The following STK32B variants were observed in gnomAD, a reference collection of about 807,000 sequenced individuals.
STK32B encodes serine/threonine-protein kinase 32B.
In STK32B, 43 loss-of-function variants were observed where a neutral mutation model predicts 52.6. That is an observed-to-expected ratio of 0.82 (90% CI 0.64 to 1.05). The LOEUF (loss-of-function observed/expected upper bound fraction) is 1.05. STK32B is among the 50% of genes least tolerant of loss of function. The pLI is 0.00. For missense variants in STK32B, 621 were observed against 534.6 expected (o/e 1.16, Z -1.59); for synonymous variants, 238 against 204.3 (o/e 1.17, Z -1.41).
intron 3 of STK32B, among the ~76,000 whole-genome samples, chr4:5,190,458 G>C (rs16836806): frequency 6.6e-6 from 1 of 152,048 alleles, no homozygotes; most frequent in Non-Finnish European, 1.5e-5. Flanking sequence ...TGACTAGTGC[G>C]ATCAGAGTGC....
At chr4:5,114,918 C>T (rs981714553) in intron 1 of STK32B, among the ~76,000 whole-genome samples, 5 of 152,166 alleles carry the variant, frequency 3.3e-5, no homozygotes, top group Admixed American at 6.5e-5. Context: ...CCTCTTCCCA[C>T]ACCCTGACCC....
At chr4:5,109,733 A>G (rs1372985697) in intron 1 of STK32B, among the ~76,000 whole-genome samples, 1 of 152,196 alleles carries the variant, frequency 6.6e-6, no homozygotes, top group East Asian at 1.9e-4. Context: ...GACAAGTTCC[A>G]CTATTCAACA....
chr4:5,042,591 C>T, the STK32B span, among the ~76,000 whole-genome samples: 3 of 152,158 alleles, frequency 2.0e-5, no homozygotes, highest in Non-Finnish European at 4.4e-5. Context: ...AGCCATGGCT[C>T]GCATTTCTCG....
chr4:5,034,874 G>A, the STK32B span, among the ~76,000 whole-genome samples: 1 of 152,296 alleles, frequency 6.6e-6, no homozygotes, highest in Admixed American at 6.5e-5. Context: ...AATGTCAGTA[G>A]CACTTGATTT....
intron 3 of STK32B, among the ~76,000 whole-genome samples, chr4:5,178,678 A>G (rs575000707): frequency 6.6e-6 from 1 of 152,340 alleles, no homozygotes; most frequent in African/African-American, 2.4e-5. Flanking sequence ...TCTCAAGTTC[A>G]AAGTTCCACA....
intron 3 of STK32B, among the ~76,000 whole-genome samples, chr4:5,276,326 A>C (rs1179668632): frequency 6.6e-6 from 1 of 152,104 alleles, no homozygotes; most frequent in Non-Finnish European, 1.5e-5. Context: ...CAGGTTTATC[A>C]CGTTTTCATG....
rs559918654 is a variant in STK32B, at chr4:5,386,861, G to C, written c.435-11346G>C. Among the ~76,000 whole-genome samples, 474 of 152,300 alleles carry C rather than the reference G, an allele frequency of 3.1e-3. 3 individuals are homozygous for C. Among genetic ancestry groups the C allele is most frequent in the African/African-American group, 0.011 (455 of 41,578 alleles). On this transcript the variant is annotated intron_variant, in intron 4 of 11. Transcript: ENST00000282908. The surrounding 1 kb of genome is among the most constrained non-coding windows in gnomAD (Gnocchi z 4.5). ...TCGGATTCAGCCTTGATACGAACTT[G>C]AGATCTTTCCCGCATTGTCCTCAGA...
chr4:5,343,741 G>A (rs1241885510), intron 4 of STK32B, among the ~76,000 whole-genome samples: 4 of 152,146 alleles, frequency 2.6e-5, no homozygotes, highest in Admixed American at 2.6e-4. Flanking sequence ...TAATTAAAGA[G>A]CTTCTGCACA....
rs1560313933 is a variant in STK32B, at chr4:5,317,373, T to TAC, written c.261-13846_261-13845insCA. Among the ~76,000 whole-genome samples the TAC allele has an allele frequency of 1.1e-3, 91 of 79,630 alleles. 10 individuals carry two copies. The highest frequency in any genetic ancestry group is 7.3e-3 in the African/African-American group (85 of 11,716). 52.2% of individuals were successfully genotyped at this position (79,630 alleles called of 152,430 possible). Reference sequence around the variant, plus strand: ...TATAATATATATAATGTATATGTATTATATATATTACATATATATAATATA... The same window carrying TAC: ...TATAATATATATAATGTATATGTATTACATATATATTACATATATATAATATA... On this transcript the variant is annotated intron_variant, in intron 3 of 11. Coordinates refer to ENST00000282908, the MANE Select transcript of STK32B (RefSeq NM_018401.3).
chr4:5,293,294 G>T (rs1728999608), intron 3 of STK32B, among the ~76,000 whole-genome samples: 1 of 151,858 alleles, frequency 6.6e-6, no homozygotes, highest in African/African-American at 2.4e-5. Flanking sequence ...TAATCCTTTG[G>T]GTATATACCC....
intron 3 of STK32B, among the ~76,000 whole-genome samples, chr4:5,302,347 T>C (rs1729620646): frequency 6.6e-6 from 1 of 152,012 alleles, no homozygotes; most frequent in South Asian, 2.1e-4. Context: ...CATATTAACA[T>C]ATTATTATTA....
At position 5,499,042 on chromosome 4, in the gene STK32B, A is replaced by C. The variant is rs750565683; in HGVS notation, c.1204A>C (p.Asn402His). The C allele has an allele frequency of 1.1e-5, 18 of 1,613,462 alleles. No individual in the cohort carries two copies. Among genetic ancestry groups the C allele is most frequent in the Admixed American group, 3.3e-5 (2 of 59,954 alleles). Residue 402 changes from asparagine (N) to histidine (H), a missense_variant, in exon 12 of 12, where the codon AAC becomes CAC. Physicochemically the swap from Asn to His is moderately conservative, Grantham distance 68. Coordinates refer to ENST00000282908, the MANE Select transcript of STK32B (RefSeq NM_018401.3). Reference sequence around the variant, plus strand: ...CAAGCTCCAGGACGGGTGCAACAACAACCTCCTCACCCACACCTGCACCCG... The same window carrying C: ...CAAGCTCCAGGACGGGTGCAACAACCACCTCCTCACCCACACCTGCACCCG... ...QSKLQDGCNNNLLTHTCTRGC... is the reference protein window; with the variant it reads ...QSKLQDGCNNHLLTHTCTRGC...
At chr4:5,140,862 C>G (rs773029140) in intron 2 of STK32B, among the ~76,000 whole-genome samples, 17 of 152,070 alleles carry the variant, frequency 1.1e-4, no homozygotes, top group Non-Finnish European at 2.5e-4. Flanking sequence ...CAGTAGTAAC[C>G]AAAACAGATC....
chr4:5,164,903 C>T (rs913911428), intron 2 of STK32B, among the ~76,000 whole-genome samples: 3 of 152,154 alleles, frequency 2.0e-5, no homozygotes, highest in African/African-American at 7.2e-5. Flanking sequence ...CTCTTTTAGC[C>T]TCTATCTCCT....
intron 6 of STK32B, among the ~76,000 whole-genome samples, chr4:5,420,462 G>C (rs1319701828): frequency 6.6e-6 from 1 of 152,176 alleles, no homozygotes; most frequent in Non-Finnish European, 1.5e-5. Context: ...GAGAATGGGG[G>C]CAACGGCAAC....
Position 5,062,510 on chromosome 4 carries a change from T to A in STK32B, c.52+10595T>A, listed in dbSNP as rs867808003. 7.2e-5 allele frequency among the ~76,000 whole-genome samples: 11 copies of A among 152,262 alleles called. 1 individual carries two copies. In the Middle Eastern group the frequency reaches 0.02, roughly 282 times the overall value. On this transcript the variant is annotated intron_variant, in intron 1 of 11. Transcript: ENST00000282908. ...TTACAATGTTTAGTTTTGTTGTTGT[T>A]GTTGTTGTTTTTTTGAGACGGAGTC...
chr4:5,037,487 T>A, the STK32B span, among the ~76,000 whole-genome samples: 4 of 152,186 alleles, frequency 2.6e-5, no homozygotes, highest in Non-Finnish European at 5.9e-5. Flanking sequence ...GCTAGTGTGG[T>A]CTTGGTCACA....
chr4:5,346,511 C>T (rs79634502), intron 4 of STK32B, among the ~76,000 whole-genome samples: 5 of 152,096 alleles, frequency 3.3e-5, no homozygotes, highest in African/African-American at 7.2e-5. Context: ...ACTGTGAAGC[C>T]GACAAAACCC....
At chr4:5,103,551 T>C (rs949963820) in intron 1 of STK32B, among the ~76,000 whole-genome samples, 10 of 152,344 alleles carry the variant, frequency 6.6e-5, no homozygotes, top group African/African-American at 2.4e-4. Flanking sequence ...CCCTTATTGA[T>C]GATGGATGGG....
Sources: allele counts gnomAD v4.1 joint callset (sites outside exome capture counted in the v4.1 genomes callset), GRCh38; gene constraint gnomAD v4.1.1; non-coding constraint Gnocchi (gnomAD v3.1); transcripts MANE v1.5; gene names NCBI Gene and HGNC (gene_info 2026-07-23, HGNC 2026-07-21).